The following SRPK2 variants were observed in gnomAD, a reference collection of about 807,000 sequenced individuals.
SRPK2 encodes the protein SFRS protein kinase 2.
Under a neutral mutation model 90.8 loss-of-function variants are expected in SRPK2, and 21 were observed. The observed-to-expected ratio is 0.23, with a 90% confidence interval of 0.16 to 0.33. The LOEUF (loss-of-function observed/expected upper bound fraction) is 0.33, where lower values mean the gene tolerates loss of function less well. Ranked by LOEUF, SRPK2 falls within the 10% of genes least tolerant of loss-of-function variation. SRPK2 has a pLI of 1.00. For synonymous variants in SRPK2, 288 were observed against 311.1 expected, an observed-to-expected ratio of 0.93 and a Z score of 0.78; for missense variants, 620 against 869.0, an observed-to-expected ratio of 0.71 and a Z score of 3.60.
chr7:105,352,259 A>C (rs1179895323), intron 2 of SRPK2, among the ~76,000 whole-genome samples: 1 of 152,228 alleles, frequency 6.6e-6, no homozygotes, highest in Admixed American at 6.5e-5. Flanking sequence ...GGCTGTACCC[A>C]GTAACTCCCT....
In SRPK2 at chr7:105,331,308, C is replaced by CAAAAAAAAAAAAAAA. The variant is rs57653042; in HGVS notation, c.71+57325_71+57339dup. ...TGGGCGACAGAGCGAGACTCCGTCT[C>CAAAAAAAAAAAAAAA]AAAAAAAAAAAAAAAAAAAAAAAAA... On this transcript the variant is annotated intron_variant, in intron 2 of 15. Transcript: ENST00000393651. 6.7e-4 allele frequency among the ~76,000 whole-genome samples: 30 copies of CAAAAAAAAAAAAAAA among 45,102 alleles called. 3 individuals carry two copies. Among genetic ancestry groups the CAAAAAAAAAAAAAAA allele is most frequent in the African/African-American group, 2.0e-3 (18 of 8,856 alleles). The allele number at this position is 45,102 out of a possible 152,430, so 29.6% of individuals were successfully genotyped here.
chr7:105,261,212 G>A (rs1179198223), intron 2 of SRPK2, among the ~76,000 whole-genome samples: 1 of 152,078 alleles, frequency 6.6e-6, no homozygotes, highest in Non-Finnish European at 1.5e-5. Flanking sequence ...ACAATAAGCT[G>A]TGCGCTTTTA....
intron 2 of SRPK2, among the ~76,000 whole-genome samples, chr7:105,208,380 A>C (rs555299329): frequency 2.0e-5 from 3 of 152,354 alleles, no homozygotes; most frequent in Admixed American, 6.5e-5. Flanking sequence ...CGAAAAGCAG[A>C]AACAACCCAA....
chr7:105,117,911 G>A lies in SRPK2; in HGVS notation c.2027C>T (p.Pro676Leu), dbSNP rs1303772703. The A allele has an allele frequency of 3.7e-6, 6 of 1,614,010 alleles. No homozygotes were observed. Among genetic ancestry groups the A allele is most frequent in the Non-Finnish European group, 5.1e-6 (6 of 1,180,020 alleles). ...DAAQFTDFLI[P>L]MLEMVPEKRA... ...TTTTTCTGGAACCATTTCTAACATCGGGATCAGGAAATCTGTAAACTGTGC... is the reference window on the plus strand; with the variant it reads ...TTTTTCTGGAACCATTTCTAACATCAGGATCAGGAAATCTGTAAACTGTGC... The change falls in exon 16 of 16, where the codon CCG (proline) becomes CTG (leucine). Residue 676 changes from proline to leucine, a missense_variant. Transcript: ENST00000393651.
intron 2 of SRPK2, among the ~76,000 whole-genome samples, chr7:105,238,408 C>T (rs543735840): frequency 1.2e-4 from 19 of 152,214 alleles, no homozygotes; most frequent in Admixed American, 2.0e-4. Context: ...CAGAGGCCCA[C>T]GGCCTAGGCT....
chr7:105,266,004 TC>T (rs1041157186), intron 2 of SRPK2, among the ~76,000 whole-genome samples: 13 of 151,840 alleles, frequency 8.6e-5, no homozygotes, highest in African/African-American at 3.1e-4. Context: ...ATCTTAGGAG[TC>T]AGCCATTCAG....
At chr7:105,307,993 T>C (rs912555560) in intron 2 of SRPK2, among the ~76,000 whole-genome samples, 2 of 152,184 alleles carry the variant, frequency 1.3e-5, no homozygotes, top group African/African-American at 2.4e-5. Context: ...AAATAACATA[T>C]GCGAAAGTAT....
intron 2 of SRPK2, among the ~76,000 whole-genome samples, chr7:105,241,644 T>C (rs1323119659): frequency 6.6e-6 from 1 of 152,238 alleles, no homozygotes; most frequent in Non-Finnish European, 1.5e-5. Context: ...CTATCCAATA[T>C]ATTTTGCTGC....
chr7:105,162,595 A>G (rs1205549123), intron 6 of SRPK2, among the ~76,000 whole-genome samples: 1 of 152,226 alleles, frequency 6.6e-6, no homozygotes, highest in Non-Finnish European at 1.5e-5. Flanking sequence ...AAAAAAAGAA[A>G]AATCTTTCTA....
intron 2 of SRPK2, chr7:105,268,913 T>G: frequency 1.3e-6 from 2 of 1,560,684 alleles, no homozygotes; most frequent in Non-Finnish European, 1.7e-6. Context: ...TGCCTGCCCT[T>G]GCTTTCAAGC....
Position 105,395,188 on chromosome 7 carries a change from C to T in SRPK2, n.153+3968G>A, listed in dbSNP as rs147455782. The stretch of plus-strand genomic sequence containing the variant: ...ACTCCATCTCAAAAACAAAACAAAA[C>T]AAAACAAAAAACAGAAAGTGACTGG... On this transcript the variant is annotated intron_variant and non_coding_transcript_variant, in intron 1 of 3. Transcript: ENST00000462282. Among the ~76,000 whole-genome samples, 518 of 151,808 alleles carry T rather than the reference C, an allele frequency of 3.4e-3. 15 individuals carry two copies. The East Asian group carries it at 0.068, about 20-fold the overall frequency.
chr7:105,160,413 T>C (rs1807436548), intron 7 of SRPK2, 94 bp downstream of exon 7: 2 of 691,812 alleles, frequency 2.9e-6, no homozygotes, highest in Admixed American at 2.2e-5. Context: ...CACTGATACA[T>C]ATGTAATACA....
At chr7:105,232,643 C>T (rs1261370074) in intron 2 of SRPK2, among the ~76,000 whole-genome samples, 1 of 151,606 alleles carries the variant, frequency 6.6e-6, no homozygotes, top group East Asian at 1.9e-4. Context: ...GAAATATTCA[C>T]ATGTGAAATA....
intron 3 of SRPK2, among the ~76,000 whole-genome samples, chr7:105,188,102 G>A (rs1793820625): frequency 6.6e-6 from 1 of 152,114 alleles, no homozygotes; most frequent in Non-Finnish European, 1.5e-5. Context: ...ATTCTCAATA[G>A]CCAAAAGTGA....
intron 3 of SRPK2, among the ~76,000 whole-genome samples, chr7:105,183,754 T>C (rs1050365961): frequency 4.6e-5 from 7 of 152,122 alleles, no homozygotes; most frequent in Non-Finnish European, 8.8e-5. Context: ...CCTCCCAAAC[T>C]GCTAGGGTTA....
intron 2 of SRPK2, among the ~76,000 whole-genome samples, chr7:105,221,552 A>G (rs1030876874): frequency 1.3e-5 from 2 of 152,156 alleles, no homozygotes; most frequent in Non-Finnish European, 2.9e-5. Flanking sequence ...GGCCCCAACC[A>G]TACCTATTTG....
At chr7:105,369,125 TTTA>T (rs10593124) in intron 2 of SRPK2, among the ~76,000 whole-genome samples, 30,088 of 142,986 alleles carry the variant, frequency 0.21, 3,202 homozygotes, top group Middle Eastern at 0.28. Flanking sequence ...CAAGATTTAT[TTTA>T]TTATTATTAT....
At chr7:105,351,543 C>T (rs543184022) in intron 2 of SRPK2, among the ~76,000 whole-genome samples, 5 of 151,986 alleles carry the variant, frequency 3.3e-5, no homozygotes, top group Admixed American at 1.3e-4. Context: ...TAGCTCACAC[C>T]TGTAATCCCA....
At chr7:105,127,195 A>G (rs1801331137) in intron 13 of SRPK2, 133 bp from the exon 14 acceptor site, 7 of 705,206 alleles carry the variant, frequency 9.9e-6, no homozygotes, top group Non-Finnish European at 1.4e-5. Flanking sequence ...AAAGTGCTCA[A>G]TACTAATTTT....
Sources: allele counts gnomAD v4.1 joint callset (sites outside exome capture counted in the v4.1 genomes callset), GRCh38; gene constraint gnomAD v4.1.1; transcripts MANE v1.5; gene names NCBI Gene and HGNC (gene_info 2026-07-23, HGNC 2026-07-21).